Variants in ZMIZ1 observed in about 807,000 individuals in gnomAD.
ZMIZ1 encodes the protein zinc finger MIZ domain-containing protein 1.
A neutral mutation model predicts 113.9 loss-of-function variants in ZMIZ1; 17 were observed. The ratio of observed to expected loss-of-function variants is 0.15; its 90% CI spans 0.10 to 0.22. The LOEUF is 0.22. Among genes scored for constraint, ZMIZ1 ranks in the 10% least tolerant of loss-of-function variants. The pLI is 1.00. For missense variants in ZMIZ1, 1,059 were observed against 1,477.8 expected (o/e 0.72, Z 4.65); for synonymous variants, 607 against 603.1 (o/e 1.01, Z -0.09).
At chr10:79,282,759 G>A (rs979504283) in intron 8 of ZMIZ1, among the ~76,000 whole-genome samples, 4 of 152,246 alleles carry the variant, frequency 2.6e-5, no homozygotes, top group East Asian at 1.9e-4. Context: ...GGGTGGTGAC[G>A]AGGAATACTA....
At chr10:79,253,888 A>G (rs1250603) in intron 7 of ZMIZ1, among the ~76,000 whole-genome samples, 106,559 of 152,060 alleles carry the variant, frequency 0.7, 37,716 homozygotes, top group East Asian at 0.92. Flanking sequence ...ACACACACAC[A>G]CACATGCTGA....
chr10:79,233,881 G>T (rs1023206536), intron 7 of ZMIZ1, among the ~76,000 whole-genome samples: 6 of 151,878 alleles, frequency 4.0e-5, no homozygotes, highest in African/African-American at 1.5e-4. Flanking sequence ...CACTTTGATC[G>T]GCATATGGAT....
intron 7 of ZMIZ1, among the ~76,000 whole-genome samples, chr10:79,265,234 CTG>C (rs1222839601): frequency 6.6e-6 from 1 of 152,118 alleles, no homozygotes; most frequent in Non-Finnish European, 1.5e-5. Context: ...TCAGGCCAGA[CTG>C]GACCACAGGA....
intron 1 of ZMIZ1, among the ~76,000 whole-genome samples, chr10:79,091,993 G>C (rs1422047136): frequency 3.3e-5 from 5 of 152,128 alleles, no homozygotes; most frequent in African/African-American, 7.2e-5. Flanking sequence ...GACCAACCAG[G>C]CTCCCTGTAC....
Position 79,159,960 on chromosome 10 carries a change from G to GGGC in ZMIZ1, c.-130-2092_-130-2090dup, listed in dbSNP as rs2132486368. On this transcript the variant is annotated intron_variant, in intron 3 of 24. Transcript: ENST00000334512. ...GCTGATGGCCCGACGCCGTTTCTCC[G>GGGC]GGCCTGGCCGATGCTCACTGGGGAG... Among the ~76,000 whole-genome samples the GGGC allele has an allele frequency of 1.3e-5, 2 of 152,342 alleles. 1 individual carries two copies. The highest frequency in any genetic ancestry group is 4.1e-4 in the South Asian group (2 of 4,824).
chr10:79,195,519 C>T lies in ZMIZ1; in HGVS notation c.-49-6065C>T, dbSNP rs529531510. On this transcript the variant is annotated intron_variant, in intron 4 of 24. Coordinates refer to ENST00000334512, the MANE Select transcript of ZMIZ1 (RefSeq NM_020338.4). ...CTCTCCGGCTATAGAGCTGCAGCCACGGAGGATTTGTAGCGACTTGTAAAG... is the reference window on the plus strand; with the variant it reads ...CTCTCCGGCTATAGAGCTGCAGCCATGGAGGATTTGTAGCGACTTGTAAAG... Among the ~76,000 whole-genome samples, 9 of 151,608 alleles carry T rather than the reference C, an allele frequency of 5.9e-5. No individual in the cohort carries two copies. In the East Asian group the frequency reaches 8.0e-4, roughly 13 times the overall value.
Position 79,293,567 on chromosome 10 carries a change from G to A in ZMIZ1, c.1144G>A (p.Gly382Arg), listed in dbSNP as rs544292338. 1.2e-5 allele frequency: 19 copies of A among 1,612,990 alleles called. No homozygotes were observed. Among genetic ancestry groups the A allele is most frequent in the East Asian group, 4.5e-5 (2 of 44,868 alleles). The change falls in exon 12 of 25, where the codon GGG (glycine) becomes AGG (arginine). Residue 382 changes from glycine (G) to arginine (R), a missense_variant. This residue lies in a region of ZMIZ1 where 239 missense variants were observed against 247.5 expected (regional missense o/e 0.97). Transcript: ENST00000334512. ...CGGCATCAGCCCCTTTGGCACACACGGGCAGCGGATGCCCCAGCAGACCTA... is the reference window on the plus strand; with the variant it reads ...CGGCATCAGCCCCTTTGGCACACACAGGCAGCGGATGCCCCAGCAGACCTA... ...PPGISPFGTHGQRMPQQTYPG... is the reference protein window; with the variant it reads ...PPGISPFGTHRQRMPQQTYPG...
At chr10:79,181,906 C>A (rs998665413) in intron 4 of ZMIZ1, among the ~76,000 whole-genome samples, 2 of 152,218 alleles carry the variant, frequency 1.3e-5, no homozygotes, top group Admixed American at 6.5e-5. Flanking sequence ...CAGCTGAGGG[C>A]GGCTGCTGGA....
chr10:79,271,072 C>T (rs909153406), intron 7 of ZMIZ1, among the ~76,000 whole-genome samples: 10 of 152,142 alleles, frequency 6.6e-5, no homozygotes, highest in African/African-American at 2.4e-4. Flanking sequence ...CTCATTCTAC[C>T]CCTAGGCGGC....
chr10:79,176,096 A>C (rs114921847), intron 4 of ZMIZ1, among the ~76,000 whole-genome samples: 2,140 of 152,034 alleles, frequency 0.014, 56 homozygotes, highest in African/African-American at 0.049. Context: ...TGGAGGACAC[A>C]ATGGAGGGAG....
intron 7 of ZMIZ1, among the ~76,000 whole-genome samples, chr10:79,266,345 G>A (rs1253576069): frequency 1.3e-5 from 2 of 152,222 alleles, no homozygotes; most frequent in African/African-American, 2.4e-5. Context: ...GGGCGGGGCC[G>A]TTGTCCTGTG....
rs969376151 is a variant in ZMIZ1 at position 79,296,763 on chromosome 10, G to C, written c.1413+110G>C. 1 of 1,129,386 alleles carries C rather than the reference G, an allele frequency of 8.9e-7. No individual in the cohort carries two copies. Among genetic ancestry groups the C allele is most frequent in the Non-Finnish European group, 1.2e-6 (1 of 821,046 alleles). 70.0% of individuals were successfully genotyped at this position (1,129,386 alleles called of 1,614,324 possible). ...CCTGCGTGTGTTTGCCCCAAGGACA[G>C]CGAGGGGTGGGTGATTTCTGAACGT... On this transcript the variant is annotated intron_variant, in intron 13 of 24. Transcript: ENST00000334512. This position sits in a 1 kb window ranked among gnomAD's most constrained non-coding sequence, Gnocchi z 4.1.
At chr10:79,263,232 C>A (rs566322184) in intron 7 of ZMIZ1, among the ~76,000 whole-genome samples, 1 of 152,246 alleles carries the variant, frequency 6.6e-6, no homozygotes, top group Non-Finnish European at 1.5e-5. Flanking sequence ...CTCGTGGCTT[C>A]GGTCTTTGCA....
intron 4 of ZMIZ1, among the ~76,000 whole-genome samples, chr10:79,190,368 C>T (rs1564708699): frequency 6.6e-6 from 1 of 152,166 alleles, no homozygotes; most frequent in South Asian, 2.1e-4. Context: ...CACAGTGGGG[C>T]CTTCAAGGCT....
At chr10:79,309,099 A>G (rs575461384) in intron 23 of ZMIZ1, among the ~76,000 whole-genome samples, 2 of 152,290 alleles carry the variant, frequency 1.3e-5, no homozygotes, top group Admixed American at 1.3e-4. Flanking sequence ...GCCCAGGTGG[A>G]GGCAGCCACA....
At chr10:79,081,814 G>A (rs890670594) in intron 1 of ZMIZ1, among the ~76,000 whole-genome samples, 1 of 152,256 alleles carries the variant, frequency 6.6e-6, no homozygotes, top group African/African-American at 2.4e-5. Context: ...AGTCCAAGGG[G>A]AAGGCCAGCA....
At chr10:79,144,871 C>T (rs1034553129) in intron 3 of ZMIZ1, among the ~76,000 whole-genome samples, 1 of 151,952 alleles carries the variant, frequency 6.6e-6, no homozygotes, top group African/African-American at 2.4e-5. Flanking sequence ...TTTCCGTCTG[C>T]CTCTCAGTTT....
At chr10:79,071,380 G>C (rs1842280651) in intron 1 of ZMIZ1, among the ~76,000 whole-genome samples, 1 of 152,234 alleles carries the variant, frequency 6.6e-6, no homozygotes, top group South Asian at 2.1e-4. Flanking sequence ...GAGGTGCCTG[G>C]GTTTGCTTAT....
At chr10:79,123,987 AG>A (rs1300123167) in intron 2 of ZMIZ1, among the ~76,000 whole-genome samples, 1 of 152,238 alleles carries the variant, frequency 6.6e-6, no homozygotes, top group Non-Finnish European at 1.5e-5. Context: ...CCTGCAGCCC[AG>A]GCCCTCCACC....
Sources: allele counts gnomAD v4.1 joint callset (sites outside exome capture counted in the v4.1 genomes callset), GRCh38; gene constraint gnomAD v4.1.1; regional missense constraint gnomAD v4.1.1; non-coding constraint Gnocchi (gnomAD v3.1); transcripts MANE v1.5; gene names NCBI Gene and HGNC (gene_info 2026-07-23, HGNC 2026-07-21).